Variants in TENM2 observed in about 807,000 individuals in gnomAD.
TENM2 encodes the protein teneurin-2.
TENM2 carries 52 observed loss-of-function variants against 245.2 expected under a neutral mutation model. That is an observed-to-expected ratio of 0.21 (90% confidence interval 0.17 to 0.27). The LOEUF (loss-of-function observed/expected upper bound fraction) is 0.27, where lower values mean the gene tolerates loss of function less well. TENM2 is among the 10% of genes least tolerant of loss of function. TENM2 has a pLI of 1.00. For synonymous variants in TENM2, 1,363 were observed against 1,438.9 expected, an observed-to-expected ratio of 0.95 and a Z score of 1.19; for missense variants, 3,046 against 3,666.8, an observed-to-expected ratio of 0.83 and a Z score of 4.37.
intron 2 of TENM2, among the ~76,000 whole-genome samples, chr5:167,782,306 T>C (rs1764240627): frequency 2.6e-5 from 2 of 76,322 alleles, no homozygotes; most frequent in Admixed American, 1.9e-4. Context: ...AGAGCAAAAC[T>C]CTGTCTCAAA....
At chr5:167,511,628 T>G (rs149300423) in intron 2 of TENM2, among the ~76,000 whole-genome samples, 1 of 152,296 alleles carries the variant, frequency 6.6e-6, no homozygotes, top group Non-Finnish European at 1.5e-5. Context: ...ATGAGATAAA[T>G]GGACAAGAAT....
At chr5:167,380,887 T>A (rs1561910051) in intron 2 of TENM2, among the ~76,000 whole-genome samples, 1 of 152,140 alleles carries the variant, frequency 6.6e-6, no homozygotes, top group South Asian at 2.1e-4. Context: ...TTGCTTATTG[T>A]TCAGTCATTT....
rs187238024 is a variant in TENM2 at position 167,526,051 on chromosome 5, C to A, written c.502+150578C>A. 5.9e-5 allele frequency among the ~76,000 whole-genome samples: 9 copies of A among 151,604 alleles called. No individual in the cohort carries two copies. In the East Asian group the frequency reaches 1.4e-3, roughly 23 times the overall value. On this transcript the variant is annotated intron_variant, in intron 2 of 28. Transcript: ENST00000518659. The stretch of plus-strand genomic sequence containing the variant: ...AGAAATGGGTCTCCTTGTAAATGGC[C>A]AACCCATTTAACAAAAGAAGAAAGA...
intron 3 of TENM2, among the ~76,000 whole-genome samples, chr5:167,951,591 C>T (rs2151836129): frequency 6.6e-6 from 1 of 152,130 alleles, no homozygotes; most frequent in African/African-American, 2.4e-5. Flanking sequence ...CTTTGTTTTT[C>T]CTGCAAGGAT....
At chr5:167,214,973 A>G in the TENM2 span, among the ~76,000 whole-genome samples, 1 of 152,112 alleles carries the variant, frequency 6.6e-6, no homozygotes, top group African/African-American at 2.4e-5. Flanking sequence ...CCTTCCGAAT[A>G]TATTTCTTTC....
chr5:167,853,289 C>CAAAAAAAAAAAAAAAAAAA lies in TENM2; in HGVS notation c.503-22692_503-22674dup, dbSNP rs777170514. On this transcript the variant is annotated intron_variant, in intron 2 of 28. Coordinates refer to ENST00000518659, the Ensembl canonical transcript of TENM2. ...TGGGAGACAGAGCGAGACTCCGTCT[C>CAAAAAAAAAAAAAAAAAAA]AAAAAAAAAAAAAAAAAAAAAAAGA... is the stretch of plus-strand genomic sequence containing the variant. Among the ~76,000 whole-genome samples the CAAAAAAAAAAAAAAAAAAA allele has an allele frequency of 2.4e-3, 58 of 24,616 alleles. 3 individuals carry two copies. The highest frequency in any genetic ancestry group is 4.3e-3 in the Admixed American group (7 of 1,646). 16.1% of individuals were successfully genotyped at this position (24,616 alleles called of 152,430 possible).
intron 3 of TENM2, among the ~76,000 whole-genome samples, chr5:167,886,990 G>A (rs1774340758): frequency 6.6e-6 from 1 of 152,126 alleles, no homozygotes; most frequent in Admixed American, 6.5e-5. Flanking sequence ...TGGGGCTTTA[G>A]CTCTTTTTCC....
the TENM2 span, among the ~76,000 whole-genome samples, chr5:166,988,740 C>G: frequency 6.6e-6 from 1 of 152,166 alleles, no homozygotes; most frequent in Non-Finnish European, 1.5e-5. Context: ...CCTCCATGTC[C>G]CTCACACTGG....
intron 2 of TENM2, among the ~76,000 whole-genome samples, chr5:167,689,895 G>A (rs1757311641): frequency 6.6e-6 from 1 of 152,054 alleles, no homozygotes; most frequent in Non-Finnish European, 1.5e-5. Context: ...TGAGTAGCTG[G>A]GATTACAGGC....
intron 3 of TENM2, among the ~76,000 whole-genome samples, chr5:167,933,433 T>G (rs897795502): frequency 2.6e-5 from 4 of 152,172 alleles, no homozygotes; most frequent in African/African-American, 4.8e-5. Context: ...AATACACAGC[T>G]ATATGACTGC....
the TENM2 span, among the ~76,000 whole-genome samples, chr5:167,026,216 G>T: frequency 6.6e-6 from 1 of 152,230 alleles, no homozygotes; most frequent in Non-Finnish European, 1.5e-5. Context: ...GCCCACTGCA[G>T]TGTTGGCTCA....
chr5:168,122,760 G>T (rs1307313228), intron 10 of TENM2, among the ~76,000 whole-genome samples: 1 of 151,966 alleles, frequency 6.6e-6, no homozygotes, highest in Admixed American at 6.6e-5. Flanking sequence ...AAACGGTTTT[G>T]AAATGACTTC....
At chr5:168,194,946 G>A (rs1342078645) in intron 14 of TENM2, among the ~76,000 whole-genome samples, 1 of 152,212 alleles carries the variant, frequency 6.6e-6, no homozygotes, top group African/African-American at 2.4e-5. Flanking sequence ...AAGGCCAAGA[G>A]TGGAAGGCGG....
At chr5:167,717,998 T>A (rs1256683626) in intron 2 of TENM2, among the ~76,000 whole-genome samples, 1 of 152,202 alleles carries the variant, frequency 6.6e-6, no homozygotes, top group African/African-American at 2.4e-5. Flanking sequence ...AGATTTATTT[T>A]AAATAGGTGA....
At chr5:167,694,986 A>G (rs1185825364) in intron 2 of TENM2, among the ~76,000 whole-genome samples, 1 of 152,236 alleles carries the variant, frequency 6.6e-6, no homozygotes, top group East Asian at 1.9e-4. Context: ...TATCCTGTAT[A>G]TTCTCAGACA....
chr5:168,262,598 G>A, exon 29 of TENM2: 1 of 1,580,150 alleles, frequency 6.3e-7, no homozygotes, highest in Non-Finnish European at 8.6e-7. Context: ...GAGGGCCCTG[G>A]GCACGGCCTG....
intron 2 of TENM2, among the ~76,000 whole-genome samples, chr5:167,784,010 G>A (rs1318083960): frequency 6.6e-6 from 1 of 152,150 alleles, no homozygotes; most frequent in Non-Finnish European, 1.5e-5. Context: ...ACTGAGCCAA[G>A]CAGGAGGCAA....
At chr5:168,039,817 C>T (rs1002375604) in intron 5 of TENM2, among the ~76,000 whole-genome samples, 21 of 151,982 alleles carry the variant, frequency 1.4e-4, no homozygotes, top group Non-Finnish European at 2.9e-4. Context: ...GAGGTCACCT[C>T]GGCACACCAG....
intron 2 of TENM2, among the ~76,000 whole-genome samples, chr5:167,422,369 T>C (rs984854907): frequency 6.6e-6 from 1 of 152,176 alleles, no homozygotes; most frequent in Non-Finnish European, 1.5e-5. Flanking sequence ...GGAGATCTAG[T>C]TATTCATGCA....
Sources: gnomAD v4.1 joint callset for allele counts (sites outside exome capture counted in the v4.1 genomes callset) on GRCh38, gnomAD v4.1.1 for gene constraint, MANE v1.5 for transcripts, NCBI Gene and HGNC (gene_info 2026-07-23, HGNC 2026-07-21) for gene names.